Variants in PRSS23 observed in about 807,000 individuals in gnomAD.
PRSS23 encodes serine protease 23.
A neutral mutation model predicts 34.7 loss-of-function variants in PRSS23; 25 were observed. The observed-to-expected ratio is 0.72, with a 90% CI of 0.53 to 1.01. PRSS23 has a LOEUF of 1.01. Among genes scored for constraint, PRSS23 ranks in the 50% least tolerant of loss-of-function variants. The pLI, the probability that PRSS23 is intolerant of heterozygous loss-of-function variation, is 0.00. For missense variants in PRSS23, 445 were observed against 475.6 expected (o/e 0.94, Z 0.60); for synonymous variants, 176 against 186.6 (o/e 0.94, Z 0.46).
chr11:86,825,792 G>C (rs1397162541), intron 2 of PRSS23, among the ~76,000 whole-genome samples: 1 of 150,550 alleles, frequency 6.6e-6, no homozygotes, highest in Non-Finnish European at 1.5e-5. Flanking sequence ...GATAGTTGTA[G>C]ATATGCGGCG....
chr11:86,853,956 G>A (rs1023728631), intron 2 of PRSS23, among the ~76,000 whole-genome samples: 2 of 152,044 alleles, frequency 1.3e-5, no homozygotes, highest in Admixed American at 6.6e-5. Context: ...ACTTCCTTAA[G>A]ATTAGCGATT....
At chr11:86,885,816 C>T (rs946347284) in intron 2 of PRSS23, among the ~76,000 whole-genome samples, 5 of 152,322 alleles carry the variant, frequency 3.3e-5, no homozygotes, top group Non-Finnish European at 5.9e-5. Context: ...AGAACCCTGA[C>T]TAATACACTG....
At chr11:86,925,164 AG>A (rs1468967159) in intron 2 of PRSS23, 2 of 152,368 alleles carry the variant, frequency 1.3e-5, no homozygotes, top group East Asian at 3.8e-4. Flanking sequence ...TCTGTTACAT[AG>A]ACCCAGATTA....
rs748239458 is a variant in PRSS23, at chr11:86,823,485, C to A, written c.98C>A (p.Pro33Gln). 7.8e-5 allele frequency: 55 copies of A among 702,374 alleles called. No homozygotes were observed. The African/African-American group carries it at 9.3e-4, about 12-fold the overall frequency. The allele number at this position is 702,374 out of a possible 1,614,324, so 43.5% of individuals were successfully genotyped here. A position where few individuals can be genotyped will look rare whatever the true frequency, so the allele number is the denominator to read the frequency against. ...TCAACAGTTTCGAATTCAATTCAAC[C>A]ACCACCTCCTGAATACCAACTAGGT... Residue 33 changes from proline to glutamine, a missense_variant, in exon 2 of 3, where the codon CCA becomes CAA. Pro to Gln is a moderately conservative substitution (Grantham distance 76). Transcript: ENST00000533902.
At chr11:86,820,861 T>A (rs2134873320) in intron 1 of PRSS23, among the ~76,000 whole-genome samples, 1 of 152,318 alleles carries the variant, frequency 6.6e-6, no homozygotes, top group Middle Eastern at 3.4e-3. Flanking sequence ...AATGATTGTT[T>A]AGCAGCAATT....
intron 2 of PRSS23, chr11:86,832,604 A>G (rs945408437): frequency 2.6e-5 from 13 of 496,220 alleles, no homozygotes; most frequent in Admixed American, 2.2e-4. Flanking sequence ...GGGGTTCAGC[A>G]TGGGGGTGAT....
At chr11:86,807,587 G>A (rs547318638) in intron 1 of PRSS23, 44 bp from the exon 2 acceptor site, 36 of 1,494,340 alleles carry the variant, frequency 2.4e-5, no homozygotes, top group South Asian at 6.5e-5. Flanking sequence ...GTAAATGAAC[G>A]TTCAGCCCTT....
intron 2 of PRSS23, among the ~76,000 whole-genome samples, chr11:86,835,517 T>C (rs1948398174): frequency 3.9e-5 from 6 of 152,206 alleles, no homozygotes; most frequent in Admixed American, 3.9e-4. Flanking sequence ...GCTTCAGGGG[T>C]CCATCTTACT....
chr11:86,918,936 G>A (rs1313983285), intron 2 of PRSS23, among the ~76,000 whole-genome samples: 1 of 152,174 alleles, frequency 6.6e-6, no homozygotes, highest in Non-Finnish European at 1.5e-5. Context: ...AAGCCACCAT[G>A]GAAGGAGTAA....
chr11:86,930,154 T>TG (rs1457718579), intron 2 of PRSS23, among the ~76,000 whole-genome samples: 1 of 149,100 alleles, frequency 6.7e-6, no homozygotes, highest in African/African-American at 2.5e-5. Flanking sequence ...AAAAAATATC[T>TG]GGGGAAAAAA....
intron 2 of PRSS23, among the ~76,000 whole-genome samples, chr11:86,829,127 A>G (rs551410504): frequency 2.6e-5 from 4 of 152,356 alleles, no homozygotes; most frequent in African/African-American, 7.2e-5. Context: ...ACTTTCAGGT[A>G]CACCAGTCAG....
intron 2 of PRSS23, among the ~76,000 whole-genome samples, chr11:86,832,342 C>G (rs1303458533): frequency 1.3e-5 from 2 of 152,084 alleles, no homozygotes; most frequent in African/African-American, 4.8e-5. Context: ...AATATGGCTT[C>G]TAATATCACA....
At chr11:86,916,240 A>C (rs1167372405) in intron 2 of PRSS23, among the ~76,000 whole-genome samples, 3 of 152,176 alleles carry the variant, frequency 2.0e-5, no homozygotes, top group Non-Finnish European at 4.4e-5. Context: ...TACAAAAAAA[A>C]CCCATAAACA....
chr11:86,800,008 G>T (rs1277052511), upstream of PRSS23, among the ~76,000 whole-genome samples: 1 of 152,214 alleles, frequency 6.6e-6, no homozygotes, highest in Admixed American at 6.5e-5. Context: ...GTGTACGTGG[G>T]GGTGGGGCGC....
At position 86,862,373 on chromosome 11, in the gene PRSS23, G is replaced by T. The variant is rs76080572; in HGVS notation, c.206+38780G>T. Among the ~76,000 whole-genome samples, 818 of 151,806 alleles carry T rather than the reference G, an allele frequency of 5.4e-3. 11 individuals carry two copies. The highest frequency in any genetic ancestry group is 0.019 in the African/African-American group (788 of 41,330). On this transcript the variant is annotated intron_variant, in intron 2 of 2. Coordinates refer to the PRSS23 transcript ENST00000533902. The stretch of plus-strand genomic sequence containing the variant: ...AATGTACAGGGGGTGTTCACCCTGG[G>T]ATATTATTGGTAATATCCTAGAGAT...
chr11:86,811,903 C>T (rs911672814), downstream of PRSS23, among the ~76,000 whole-genome samples: 20 of 152,200 alleles, frequency 1.3e-4, no homozygotes, highest in African/African-American at 4.8e-4. Flanking sequence ...GGAATTCTGA[C>T]AGTGATCCCC....
intron 2 of PRSS23, among the ~76,000 whole-genome samples, chr11:86,925,301 T>C (rs1949073701): frequency 6.7e-6 from 1 of 149,218 alleles, no homozygotes; most frequent in African/African-American, 2.5e-5. Context: ...CTGGAGTGTG[T>C]GTGTGTGTGT....
At chr11:86,882,909 A>G (rs1948780665) in intron 2 of PRSS23, among the ~76,000 whole-genome samples, 1 of 152,164 alleles carries the variant, frequency 6.6e-6, no homozygotes, top group Non-Finnish European at 1.5e-5. Flanking sequence ...CTGGTGTGAG[A>G]TGGTATCTCA....
At chr11:86,795,731 C>G (rs1484579008), upstream of PRSS23, among the ~76,000 whole-genome samples, 1 of 152,204 alleles carries the variant, frequency 6.6e-6, no homozygotes, top group African/African-American at 2.4e-5. Context: ...TTTTCACTCA[C>G]TACACAGAGC....
Sources: gnomAD v4.1 joint callset for allele counts (sites outside exome capture counted in the v4.1 genomes callset) on GRCh38, gnomAD v4.1.1 for gene constraint, MANE v1.5 for transcripts, NCBI Gene and HGNC (gene_info 2026-07-23, HGNC 2026-07-21) for gene names.